The following SLC25A21 variants were observed in gnomAD, a reference collection of about 807,000 sequenced individuals.
SLC25A21 encodes the protein solute carrier family 25 member 21.
Under a neutral mutation model 43.8 loss-of-function variants are expected in SLC25A21, and 47 were observed. The observed-to-expected ratio is 1.07, with a 90% CI of 0.85 to 1.37. The LOEUF is 1.37. SLC25A21 is among the 40% of genes most tolerant of loss of function. The probability of loss-of-function intolerance (pLI) is 0.00; values close to 1 mark genes in which losing one functional copy is unlikely to be tolerated. For synonymous variants in SLC25A21, 131 were observed against 121.3 expected, an observed-to-expected ratio of 1.08 and a Z score of -0.52; for missense variants, 352 against 350.2, an observed-to-expected ratio of 1.00 and a Z score of -0.04.
At position 36,894,647 on chromosome 14, in the gene SLC25A21, G is replaced by T. The variant is rs1259799261; in HGVS notation, c.71-19643C>A. On this transcript the variant is annotated intron_variant, in intron 1 of 9. Transcript: ENST00000331299. ...TTCAAAGGGAATGCTTCCAGTTTTTGCCCATTCAGTACGATATTGGCTGTG... is the reference window on the plus strand; with the variant it reads ...TTCAAAGGGAATGCTTCCAGTTTTTTCCCATTCAGTACGATATTGGCTGTG... Among the ~76,000 whole-genome samples the T allele has an allele frequency of 3.9e-5, 6 of 152,166 alleles. No individual in the cohort carries two copies. In the East Asian group the frequency reaches 1.2e-3, roughly 29 times the overall value.
At chr14:36,724,709 T>G (rs1310568253) in intron 6 of SLC25A21, among the ~76,000 whole-genome samples, 1 of 152,194 alleles carries the variant, frequency 6.6e-6, no homozygotes, top group Non-Finnish European at 1.5e-5. Flanking sequence ...CAATACGTCA[T>G]GTACCAATGA....
chr14:37,065,340 C>A (rs1363810426), intron 1 of SLC25A21, among the ~76,000 whole-genome samples: 2 of 152,130 alleles, frequency 1.3e-5, no homozygotes, highest in Non-Finnish European at 2.9e-5. Context: ...TAATAAAAAG[C>A]TGACAAGAAA....
At chr14:36,772,330 C>T (rs1295794668) in intron 3 of SLC25A21, among the ~76,000 whole-genome samples, 1 of 152,130 alleles carries the variant, frequency 6.6e-6, no homozygotes, top group Non-Finnish European at 1.5e-5. Flanking sequence ...AATCCTGAGA[C>T]ATAAAAAAAT....
chr14:37,130,465 C>T (rs1022162496), intron 1 of SLC25A21, among the ~76,000 whole-genome samples: 2 of 152,128 alleles, frequency 1.3e-5, no homozygotes, highest in East Asian at 3.8e-4. Context: ...AAACTGGATC[C>T]ATCCTGTGAT....
intron 1 of SLC25A21, among the ~76,000 whole-genome samples, chr14:37,140,841 T>C (rs1440339849): frequency 2.0e-5 from 3 of 152,184 alleles, no homozygotes; most frequent in African/African-American, 7.2e-5. Flanking sequence ...CCATTTTTTT[T>C]TTTAACTTTA....
chr14:36,898,331 T>A (rs562110827), intron 1 of SLC25A21, among the ~76,000 whole-genome samples: 1 of 152,266 alleles, frequency 6.6e-6, no homozygotes, highest in South Asian at 2.1e-4. Flanking sequence ...GACCCTCCGA[T>A]CCAGGCACAG....
intron 1 of SLC25A21, among the ~76,000 whole-genome samples, chr14:36,998,768 G>A (rs1232818737): frequency 1.3e-5 from 2 of 150,582 alleles, no homozygotes; most frequent in East Asian, 1.9e-4. Flanking sequence ...CACTAAAGAA[G>A]ATATATGGAT....
At chr14:36,747,306 C>T (rs1885538392) in intron 3 of SLC25A21, among the ~76,000 whole-genome samples, 1 of 152,134 alleles carries the variant, frequency 6.6e-6, no homozygotes, top group Admixed American at 6.5e-5. Context: ...TAAATTTTGG[C>T]TCAACCACAT....
At chr14:36,922,506 C>A (rs1187515004) in intron 1 of SLC25A21, among the ~76,000 whole-genome samples, 1 of 150,156 alleles carries the variant, frequency 6.7e-6, no homozygotes, top group African/African-American at 2.5e-5. Context: ...ATCAGCTATG[C>A]AGAGGGGCTT....
chr14:36,965,784 G>C (rs1244210680), intron 1 of SLC25A21, among the ~76,000 whole-genome samples: 1 of 152,102 alleles, frequency 6.6e-6, no homozygotes, highest in Non-Finnish European at 1.5e-5. Flanking sequence ...CAGTCCATAA[G>C]AGAGCCCTAA....
At chr14:37,058,185 A>C (rs1961871087) in intron 1 of SLC25A21, among the ~76,000 whole-genome samples, 1 of 152,232 alleles carries the variant, frequency 6.6e-6, no homozygotes, top group South Asian at 2.1e-4. Context: ...CATACAATTC[A>C]ATGTAATCTG....
chr14:36,824,253 A>T (rs1209865161), intron 2 of SLC25A21, among the ~76,000 whole-genome samples: 2 of 152,170 alleles, frequency 1.3e-5, no homozygotes, highest in Non-Finnish European at 2.9e-5. Flanking sequence ...TACTAGGAAA[A>T]AAATTGGGGG....
chr14:36,918,872 A>G (rs914942263), intron 1 of SLC25A21, among the ~76,000 whole-genome samples: 1 of 152,152 alleles, frequency 6.6e-6, no homozygotes, highest in African/African-American at 2.4e-5. Flanking sequence ...GATCCTTTTA[A>G]GTGTAAGACA....
chr14:36,852,562 T>A (rs1889774190), intron 2 of SLC25A21, among the ~76,000 whole-genome samples: 1 of 152,206 alleles, frequency 6.6e-6, no homozygotes, highest in Non-Finnish European at 1.5e-5. Flanking sequence ...GAAAGTAATA[T>A]ATAGTGTGAA....
At chr14:36,722,532 G>A (rs1594523048) in intron 6 of SLC25A21, among the ~76,000 whole-genome samples, 2 of 152,092 alleles carry the variant, frequency 1.3e-5, no homozygotes, top group East Asian at 3.9e-4. Flanking sequence ...ATGTGTCGGG[G>A]CATGGGGTTC....
At chr14:37,106,088 G>A (rs1415412627) in intron 1 of SLC25A21, among the ~76,000 whole-genome samples, 1 of 151,920 alleles carries the variant, frequency 6.6e-6, no homozygotes, top group Non-Finnish European at 1.5e-5. Context: ...GTCACCTCAG[G>A]ACCACTGTGA....
chr14:36,701,230 GT>G (rs1475359274), intron 7 of SLC25A21, among the ~76,000 whole-genome samples: 1 of 152,132 alleles, frequency 6.6e-6, no homozygotes, highest in African/African-American at 2.4e-5. Context: ...AAATACATTT[GT>G]TTTTACTTCA....
intron 1 of SLC25A21, among the ~76,000 whole-genome samples, chr14:37,101,589 A>C (rs1382300695): frequency 6.6e-6 from 1 of 152,192 alleles, no homozygotes; most frequent in East Asian, 1.9e-4. Context: ...GATAAAACTA[A>C]ATGTTCAGTA....
intron 1 of SLC25A21, among the ~76,000 whole-genome samples, chr14:37,068,725 A>T (rs1962110974): frequency 6.6e-6 from 1 of 152,206 alleles, no homozygotes; most frequent in Non-Finnish European, 1.5e-5. Context: ...ATACAAATTG[A>T]CTTATTAACA....
Sources: allele counts gnomAD v4.1 joint callset (sites outside exome capture counted in the v4.1 genomes callset), GRCh38; gene constraint gnomAD v4.1.1; transcripts MANE v1.5; gene names NCBI Gene and HGNC (gene_info 2026-07-23, HGNC 2026-07-21).